Variants in KDM3B observed in about 807,000 individuals in gnomAD.
KDM3B encodes lysine demethylase 3B.
KDM3B carries 10 observed loss-of-function variants against 170.0 expected under a neutral mutation model. That is an observed-to-expected ratio of 0.06 (90% CI 0.04 to 0.10). The LOEUF is 0.10. Among genes scored for constraint, KDM3B ranks in the 10% least tolerant of loss-of-function variants. The probability of loss-of-function intolerance (pLI) is 1.00; values close to 1 mark genes in which losing one functional copy is unlikely to be tolerated. For missense variants in KDM3B, 1,394 were observed against 2,195.2 expected (o/e 0.64, Z 7.29); for synonymous variants, 831 against 834.8 (o/e 1.00, Z 0.08).
At chr5:138,431,333 C>A in intron 22 of KDM3B, 92 bp from the exon 23 acceptor site, 2 of 1,076,794 alleles carry the variant, frequency 1.9e-6, no homozygotes, top group Non-Finnish European at 2.6e-6. Flanking sequence ...ACCTATTTCT[C>A]AAGGGTTTTT....
Position 138,393,238 on chromosome 5 carries a change from G to C in KDM3B, c.2697G>C (p.Leu899=), listed in dbSNP as rs763439027. The change falls in exon 9 of 24, where the codon CTG becomes CTC. Residue 899 remains leucine (L), a synonymous_variant. Coordinates refer to ENST00000314358, the MANE Select transcript of KDM3B (RefSeq NM_016604.4). ...TGAAGCAATCTGGAGAGCCCTTCCTGCAGGATGGGTCATGCATCAATGTGG... is the reference window on the plus strand; with the variant it reads ...TGAAGCAATCTGGAGAGCCCTTCCTCCAGGATGGGTCATGCATCAATGTGG... ...KKLKQSGEPF[L]QDGSCINVAP... The C allele has an allele frequency of 3.1e-6, 5 of 1,614,080 alleles. No individual in the cohort carries two copies. The highest frequency in any genetic ancestry group is 4.2e-6 in the Non-Finnish European group (5 of 1,180,038).
chr5:138,362,699 A>AT (rs1443349084), intron 1 of KDM3B, among the ~76,000 whole-genome samples: 1 of 148,904 alleles, frequency 6.7e-6, no homozygotes, highest in Admixed American at 6.7e-5. Flanking sequence ...CTATAATTTT[A>AT]TTATATAATT....
At chr5:138,374,264 T>C (rs1761941142) in intron 2 of KDM3B, 1 of 435,084 alleles carries the variant, frequency 2.3e-6, no homozygotes, top group Non-Finnish European at 4.6e-6. Context: ...CATTTGTTTT[T>C]GTTGTTGTTG....
At chr5:138,407,877 G>A (rs774506569) in intron 11 of KDM3B, among the ~76,000 whole-genome samples, 5 of 152,152 alleles carry the variant, frequency 3.3e-5, no homozygotes, top group Admixed American at 2.0e-4. Context: ...ACTCCAGAGC[G>A]GGGAATGATA....
chr5:138,354,470 T>C (rs1414940420), intron 1 of KDM3B, among the ~76,000 whole-genome samples: 2 of 152,242 alleles, frequency 1.3e-5, no homozygotes, highest in East Asian at 1.9e-4. Flanking sequence ...ATGCATACTT[T>C]GACCGAAGGC....
intron 21 of KDM3B, 80 bp downstream of exon 21, chr5:138,430,045 TG>T (rs747691114): frequency 3.9e-5 from 60 of 1,550,212 alleles, no homozygotes; most frequent in Non-Finnish European, 5.2e-5. Context: ...GGGTTTCTCA[TG>T]TAGAGTCCCT....
rs1260915961 is a variant in KDM3B at position 138,435,803 on chromosome 5, A to G, written c.*103A>G. 1 of 872,444 alleles carries G rather than the reference A, an allele frequency of 1.1e-6. No homozygotes were observed. Among genetic ancestry groups the G allele is most frequent in the African/African-American group, 1.7e-5 (1 of 60,066 alleles). 54.0% of individuals were successfully genotyped at this position (872,444 alleles called of 1,614,324 possible). ...GCTGGAGCAGAGGCCCTTCACCCAG[A>G]GCCAGTGTGGTCAGTATTCCAAACT... On this transcript the variant is annotated 3_prime_UTR_variant, in exon 24 of 24. Coordinates refer to ENST00000314358, the MANE Select transcript of KDM3B (RefSeq NM_016604.4).
rs758226078 is a variant in KDM3B, at chr5:138,398,401, C to T, written c.3046+9C>T. On this transcript the variant is annotated intron_variant, in intron 10 of 23. Transcript: ENST00000314358. ...GATGGTGGAGCCACACCGTAAGTCA[C>T]CTTCTCACTTGTCTTCCAGGTGCTC... 22 of 1,611,510 alleles carry T rather than the reference C, an allele frequency of 1.4e-5. No individual in the cohort carries two copies. Among genetic ancestry groups the T allele is most frequent in the Non-Finnish European group, 1.7e-5 (20 of 1,178,494 alleles).
At chr5:138,415,009 T>G in intron 11 of KDM3B, 123 bp from the exon 12 acceptor site, 1 of 518,974 alleles carries the variant, frequency 1.9e-6, no homozygotes, top group Non-Finnish European at 3.5e-6. Context: ...TTTGTTTTTT[T>G]AAGTTAGCTG....
rs768655055 is a variant in KDM3B, at chr5:138,424,183, G to A, written c.4081G>A (p.Asp1361Asn). The change falls in exon 16 of 24, where the codon GAT (aspartate) becomes AAT (asparagine). Residue 1361 changes from aspartate to asparagine, a missense_variant. Physicochemically the swap from Asp to Asn is conservative, Grantham distance 23. This residue lies in a region of KDM3B where 137 missense variants were observed against 166.9 expected (regional missense o/e 0.82). Coordinates refer to ENST00000314358, the MANE Select transcript of KDM3B (RefSeq NM_016604.4). ...DASKRACNLTDTQKEVKEMVM... is the reference protein window; with the variant it reads ...DASKRACNLTNTQKEVKEMVM... ...TTCAAAGCGGGCCTGCAACTTGACT[G>A]ATACCCAGAAGGAAGTGAAGGAGAT... The A allele has an allele frequency of 6.2e-7, 1 of 1,614,124 alleles. No individual in the cohort carries two copies. Among genetic ancestry groups the A allele is most frequent in the South Asian group, 1.1e-5 (1 of 91,074 alleles).
intron 15 of KDM3B, 66 bp from the exon 16 acceptor site, chr5:138,424,007 GAC>G: frequency 6.9e-7 from 1 of 1,456,900 alleles, no homozygotes. Flanking sequence ...ACAATTGTGA[GAC>G]AGTTTTTTGA....
chr5:138,387,941 C>T (rs113711179), intron 7 of KDM3B, among the ~76,000 whole-genome samples: 337 of 152,068 alleles, frequency 2.2e-3, no homozygotes, highest in Non-Finnish European at 3.8e-3. Flanking sequence ...ATTAGCCGGG[C>T]GTGGCGGCGT....
intron 6 of KDM3B, among the ~76,000 whole-genome samples, chr5:138,383,950 CAAAAA>C (rs1176479312): frequency 2.9e-5 from 4 of 139,570 alleles, no homozygotes; most frequent in African/African-American, 5.3e-5. Flanking sequence ...AACTCCGTCT[CAAAAA>C]AAAAGAAGAA....
chr5:138,417,229 A>G (rs1763128247), intron 12 of KDM3B, among the ~76,000 whole-genome samples: 2 of 152,250 alleles, frequency 1.3e-5, no homozygotes, highest in South Asian at 4.1e-4. Context: ...AGTGCTTAAA[A>G]GTAACAGAAC....
In KDM3B at chr5:138,372,709, A is replaced by C. The variant is rs1237979663; in HGVS notation, c.228A>C (p.Gln76His). The C allele has an allele frequency of 6.2e-7, 1 of 1,613,888 alleles. No homozygotes were observed. The highest frequency in any genetic ancestry group is 8.5e-7 in the Non-Finnish European group (1 of 1,179,986). The change falls in exon 2 of 24, where the codon CAA (glutamine) becomes CAC (histidine). Residue 76 changes from glutamine (Q) to histidine (H), a missense_variant. Physicochemically the swap from Gln to His is conservative, Grantham distance 24. Transcript: ENST00000314358. ...AATTTGATGGCTGTAACTGGAAGCA[A>C]CACTCCTGGGTAAAAGTTCATGCTG... ...FVEFDGCNWK[Q>H]HSWVKVHAEE... is the part of the protein sequence containing the mutation.
Position 138,436,718 on chromosome 5 carries a change from C to A in KDM3B, c.*1018C>A, listed in dbSNP as rs1580970191. 1 of 152,282 alleles carries A rather than the reference C, an allele frequency of 6.6e-6. No homozygotes were observed. Among genetic ancestry groups the A allele is most frequent in the South Asian group, 2.1e-4 (1 of 4,822 alleles). 9.4% of individuals were successfully genotyped at this position (152,282 alleles called of 1,614,324 possible). On this transcript the variant is annotated 3_prime_UTR_variant, in exon 24 of 24. Transcript: ENST00000314358. ...TCCAAATGGGAAGGACAGTTGATTT[C>A]CAACATGAGGTTTTTTGTTTTTTAT...
chr5:138,369,923 T>C (rs1244009467), intron 1 of KDM3B, among the ~76,000 whole-genome samples: 1 of 152,192 alleles, frequency 6.6e-6, no homozygotes, highest in Non-Finnish European at 1.5e-5. Flanking sequence ...GAAGGAAAAG[T>C]AAGTTGTCTA....
chr5:138,378,682 T>G (rs2126930483), intron 4 of KDM3B, among the ~76,000 whole-genome samples: 1 of 151,886 alleles, frequency 6.6e-6, no homozygotes, highest in South Asian at 2.1e-4. Context: ...AAAATGATGT[T>G]AAATAATCAA....
At chr5:138,408,091 T>C (rs927262210) in intron 11 of KDM3B, among the ~76,000 whole-genome samples, 2 of 152,180 alleles carry the variant, frequency 1.3e-5, no homozygotes, top group African/African-American at 4.8e-5. Flanking sequence ...TTGTCAACCA[T>C]ATGTACAGTA....
Sources: gnomAD v4.1 joint callset for allele counts (sites outside exome capture counted in the v4.1 genomes callset) on GRCh38, gnomAD v4.1.1 for gene constraint, gnomAD v4.1.1 regional missense constraint, MANE v1.5 for transcripts, NCBI Gene and HGNC (gene_info 2026-07-23, HGNC 2026-07-21) for gene names.